CPNE4: variants seen among roughly 807,000 people sequenced by gnomAD.
The protein encoded by CPNE4 is copine 4.
In CPNE4, 25 loss-of-function variants were observed where a neutral mutation model predicts 67.9. That is an observed-to-expected ratio of 0.37 (90% CI 0.27 to 0.51). The LOEUF is 0.51. CPNE4 is among the 20% of genes least tolerant of loss of function. The probability of loss-of-function intolerance (pLI) is 0.93; values close to 1 mark genes in which losing one functional copy is unlikely to be tolerated. For synonymous variants in CPNE4, 242 were observed against 244.9 expected (o/e 0.99, Z 0.11); for missense variants, 464 against 690.8 (o/e 0.67, Z 3.68).
At chr3:131,997,669 A>G (rs543996775) in intron 1 of CPNE4, among the ~76,000 whole-genome samples, 1 of 152,240 alleles carries the variant, frequency 6.6e-6, no homozygotes, top group East Asian at 1.9e-4. Context: ...AGCTTCTTTT[A>G]TTAGGTGCAA....
intron 2 of CPNE4, among the ~76,000 whole-genome samples, chr3:131,792,831 G>A (rs1458084928): frequency 6.8e-6 from 1 of 147,136 alleles, no homozygotes; most frequent in East Asian, 2.0e-4. Flanking sequence ...TGTATAATGA[G>A]TGCGTGTGTG....
intron 11 of CPNE4, among the ~76,000 whole-genome samples, chr3:131,560,001 A>T (rs1464006270): frequency 2.0e-5 from 3 of 152,062 alleles, no homozygotes; most frequent in East Asian, 1.9e-4. Flanking sequence ...TATTTTTTTT[A>T]AAAGTACATG....
chr3:131,828,219 C>T (rs1266253443), intron 2 of CPNE4, among the ~76,000 whole-genome samples: 1 of 152,014 alleles, frequency 6.6e-6, no homozygotes, highest in Non-Finnish European at 1.5e-5. Context: ...ATAAAAGGCA[C>T]AGATTTTAAG....
chr3:131,851,097 T>C (rs948313424), intron 2 of CPNE4, among the ~76,000 whole-genome samples: 1 of 89,192 alleles, frequency 1.1e-5, no homozygotes. Flanking sequence ...CATTGCATCA[T>C]AGCATTTATA....
chr3:132,004,968 C>T (rs1226185285), intron 1 of CPNE4, among the ~76,000 whole-genome samples: 1 of 152,042 alleles, frequency 6.6e-6, no homozygotes, highest in Non-Finnish European at 1.5e-5. Context: ...TCCTTCTGGG[C>T]GCAAAAGATA....
intron 9 of CPNE4, among the ~76,000 whole-genome samples, chr3:131,575,483 C>T (rs924366177): frequency 6.6e-6 from 1 of 152,128 alleles, no homozygotes; most frequent in Non-Finnish European, 1.5e-5. Context: ...AGTCTTGCCT[C>T]CCTGTGTCTA....
chr3:131,955,664 T>A (rs1228897169), intron 1 of CPNE4, among the ~76,000 whole-genome samples: 1 of 152,074 alleles, frequency 6.6e-6, no homozygotes, highest in Non-Finnish European at 1.5e-5. Context: ...CAGATACATT[T>A]CCACTCCTGT....
chr3:131,668,288 G>T (rs1344452657), intron 7 of CPNE4, among the ~76,000 whole-genome samples: 1 of 152,170 alleles, frequency 6.6e-6, no homozygotes. Flanking sequence ...TCAAAAAATT[G>T]TATCTGTCAG....
chr3:131,907,469 G>A (rs2088815582), intron 1 of CPNE4, among the ~76,000 whole-genome samples: 1 of 150,894 alleles, frequency 6.6e-6, no homozygotes, highest in South Asian at 2.1e-4. Context: ...TTTACAGGAT[G>A]ATGGCTATGC....
In CPNE4 at chr3:131,801,448, GTGTGTATA is replaced by G. The variant is rs1248619187; in HGVS notation, c.181-77831_181-77824del. Among the ~76,000 whole-genome samples, 497 of 59,794 alleles carry G rather than the reference GTGTGTATA, an allele frequency of 8.3e-3. 4 individuals carry two copies. Among genetic ancestry groups the G allele is most frequent in the African/African-American group, 0.029 (396 of 13,634 alleles). 39.2% of individuals were successfully genotyped at this position (59,794 alleles called of 152,430 possible). A position where few individuals can be genotyped will look rare whatever the true frequency, so the allele number is the denominator to read the frequency against. On this transcript the variant is annotated intron_variant, in intron 2 of 15. Coordinates refer to ENST00000429747, the MANE Select transcript of CPNE4 (RefSeq NM_130808.3). ...TGTGTGTGTGTGTGTGTGTGTGTGT[GTGTGTATA>G]TATATATATATATATATATATAATA...
rs116884715 is a variant in CPNE4, at chr3:131,870,190, T to A, written c.180+35074A>T. ...ACAGGATACAATCCTAGGGCTCACA[T>A]GGCTGCCTTACCCAAAACAGGCAAA... On this transcript the variant is annotated intron_variant, in intron 2 of 15. Coordinates refer to ENST00000429747, the MANE Select transcript of CPNE4 (RefSeq NM_130808.3). 3.5e-4 allele frequency among the ~76,000 whole-genome samples: 54 copies of A among 152,288 alleles called. 1 individual carries two copies. The East Asian group carries it at 7.1e-3, about 20-fold the overall frequency.
intron 7 of CPNE4, among the ~76,000 whole-genome samples, chr3:131,651,379 G>A (rs183623037): frequency 1.3e-4 from 20 of 152,324 alleles, no homozygotes; most frequent in Middle Eastern, 3.4e-3. Flanking sequence ...CAGGAAAGTC[G>A]TTGGTATTTC....
chr3:131,744,965 G>C (rs528675267), intron 2 of CPNE4, among the ~76,000 whole-genome samples: 4 of 152,270 alleles, frequency 2.6e-5, no homozygotes, highest in African/African-American at 9.6e-5. Flanking sequence ...TGCAATTGCT[G>C]AGTCGTATGG....
intron 2 of CPNE4, among the ~76,000 whole-genome samples, chr3:131,870,395 T>C (rs957249619): frequency 1.3e-5 from 2 of 152,126 alleles, no homozygotes; most frequent in Non-Finnish European, 2.9e-5. Flanking sequence ...AGATTTACGA[T>C]ATGAGGGCTT....
intron 2 of CPNE4, among the ~76,000 whole-genome samples, chr3:131,779,222 G>C (rs1199546651): frequency 2.0e-5 from 3 of 152,008 alleles, no homozygotes; most frequent in Admixed American, 2.0e-4. Context: ...CACATTCATG[G>C]ATAGGAAGAA....
chr3:131,535,248 T>C lies in CPNE4; in HGVS notation c.1621A>G (p.Lys541Glu). ...TACATTTCTGATGAACATTTTGGTT[T>C]AATTCCTTTGCCATTGTAATAGTCC... ...VVDYYNGKGIKPKCSSEMYES... is the reference protein window; with the variant it reads ...VVDYYNGKGIEPKCSSEMYES... Residue 541 changes from lysine to glutamate, a missense_variant, in exon 16 of 16, where the codon AAA (lysine) becomes GAA (glutamate). Transcript: ENST00000429747. 6.2e-7 allele frequency: 1 copy of C among 1,613,930 alleles called. No homozygotes were observed. The highest frequency in any genetic ancestry group is 8.5e-7 in the Non-Finnish European group (1 of 1,179,990).
At chr3:131,614,940 TAG>T (rs1940051960) in intron 7 of CPNE4, among the ~76,000 whole-genome samples, 1 of 152,138 alleles carries the variant, frequency 6.6e-6, no homozygotes, top group African/African-American at 2.4e-5. Flanking sequence ...TCAGGGAAAA[TAG>T]AGTCTCCCTG....
chr3:131,995,060 GCCCAGGCTGGT>G (rs2107653963), intron 1 of CPNE4, among the ~76,000 whole-genome samples: 1 of 152,096 alleles, frequency 6.6e-6, no homozygotes, highest in Admixed American at 6.5e-5. Flanking sequence ...TTGCTATATT[GCCCAGGCTGGT>G]CCCAAACTCC....
At chr3:132,001,553 GAGAAAGAA>G (rs763509045) in intron 1 of CPNE4, among the ~76,000 whole-genome samples, 10,306 of 101,718 alleles carry the variant, frequency 0.1, 697 homozygotes, top group African/African-American at 0.11. Flanking sequence ...AAAGAAAAAA[GAGAAAGAA>G]AGAAAGAAAG....
Sources: allele counts gnomAD v4.1 joint callset (sites outside exome capture counted in the v4.1 genomes callset), GRCh38; gene constraint gnomAD v4.1.1; transcripts MANE v1.5; gene names NCBI Gene and HGNC (gene_info 2026-07-23, HGNC 2026-07-21).